PRRG1: variants seen among roughly 807,000 people sequenced by gnomAD.
PRRG1 encodes the protein proline rich and Gla domain 1, also known as transmembrane gamma-carboxyglutamic acid protein 1.
In PRRG1, 5 loss-of-function variants were observed where a neutral mutation model predicts 11.8. The ratio of observed to expected loss-of-function variants is 0.42; its 90% CI spans 0.22 to 0.89. The LOEUF (loss-of-function observed/expected upper bound fraction) is 0.89. Among genes scored for constraint, PRRG1 ranks in the 40% least tolerant of loss-of-function variants. The pLI is 0.28. For synonymous variants in PRRG1, 66 were observed against 60.4 expected, an observed-to-expected ratio of 1.09 and a Z score of -0.43; for missense variants, 155 against 166.1, an observed-to-expected ratio of 0.93 and a Z score of 0.37.
chrX:37,430,702 T>C (rs1436848849), intron 3 of PRRG1, among the ~76,000 whole-genome samples: 2 of 111,640 alleles, frequency 1.8e-5, no homozygotes, highest in African/African-American at 6.5e-5. Flanking sequence ...CATGCAGCCT[T>C]TACTCAGTTT....
chrX:37,418,555 T>C (rs1556385941), intron 2 of PRRG1, among the ~76,000 whole-genome samples: 1 of 112,167 alleles, frequency 8.9e-6, no homozygotes, highest in African/African-American at 3.2e-5. Context: ...TTAAACATGA[T>C]TTAAAAGATT....
intron 1 of PRRG1, among the ~76,000 whole-genome samples, chrX:37,361,587 A>G (rs1309927789): frequency 1.8e-5 from 2 of 111,801 alleles, no homozygotes; most frequent in African/African-American, 3.3e-5. Context: ...AGAACATGTT[A>G]TATTTTAATC....
At chrX:37,364,742 G>T (rs1433251854) in intron 1 of PRRG1, among the ~76,000 whole-genome samples, 1 of 111,736 alleles carries the variant, frequency 8.9e-6, no homozygotes, top group African/African-American at 3.3e-5. Flanking sequence ...AATCCTTCTT[G>T]TGCTGTAGTT....
At chrX:37,451,232 G>A (rs926657984) in intron 3 of PRRG1, among the ~76,000 whole-genome samples, 15 of 111,680 alleles carry the variant, frequency 1.3e-4, no homozygotes, top group African/African-American at 3.9e-4. Context: ...TGGTCAGGCC[G>A]GTCTCGAACT....
At chrX:37,391,793 G>C (rs1298333880) in intron 1 of PRRG1, among the ~76,000 whole-genome samples, 1 of 112,180 alleles carries the variant, frequency 8.9e-6, no homozygotes, top group Non-Finnish European at 1.9e-5. Flanking sequence ...TTTATTCACT[G>C]AGGTGTTTCT....
intron 2 of PRRG1, among the ~76,000 whole-genome samples, chrX:37,416,608 C>T (rs1245311689): frequency 1.8e-5 from 2 of 111,895 alleles, no homozygotes; most frequent in East Asian, 5.6e-4. Flanking sequence ...TTGGAGTTCT[C>T]CTGTTTTGGT....
At chrX:37,364,916 T>G (rs1475586150) in intron 1 of PRRG1, among the ~76,000 whole-genome samples, 2 of 112,419 alleles carry the variant, frequency 1.8e-5, no homozygotes, top group Non-Finnish European at 3.8e-5. Context: ...TCAGATGTTG[T>G]CTCTGTAAAA....
chrX:37,453,197 G>T lies in PRRG1; in HGVS notation c.233G>T (p.Trp78Leu), dbSNP rs2146642002. Reference sequence around the variant, plus strand: ...GGGGAGAGTAACCGAGGAAGTGACTGGTTTCAGTTTTACCTTACCTTTCCG... The same window carrying T: ...GGGGAGAGTAACCGAGGAAGTGACTTGTTTCAGTTTTACCTTACCTTTCCG... ...QQGESNRGSDWFQFYLTFPLI... is the reference protein window; with the variant it reads ...QQGESNRGSDLFQFYLTFPLI... Residue 78 changes from tryptophan to leucine, a missense_variant, in exon 4 of 4, where the codon TGG becomes TTG. Trp to Leu is a moderately conservative substitution (Grantham distance 61). Coordinates refer to ENST00000378628, the MANE Select transcript of PRRG1 (RefSeq NM_001142395.2). 1.7e-6 allele frequency: 2 copies of T among 1,209,147 alleles called. No individual in the cohort carries two copies. The highest frequency in any genetic ancestry group is 5.9e-5 in the East Asian group (2 of 33,856).
chrX:37,416,532 A>G (rs781927459), intron 2 of PRRG1, among the ~76,000 whole-genome samples: 2 of 112,014 alleles, frequency 1.8e-5, no homozygotes, highest in Non-Finnish European at 3.8e-5. Flanking sequence ...ACAACCGCAA[A>G]CATCAAGACT....
rs1434325098 is a variant in PRRG1, at chrX:37,399,374, C to G, written c.-41-6835C>G. On this transcript the variant is annotated intron_variant, in intron 1 of 3. Transcript: ENST00000378628. ...TTTCAACCCAGAATTTCATATCCAG[C>G]CAAACTAAGCTTCATAAGTGAAGGA... Among the ~76,000 whole-genome samples, 22 of 107,360 alleles carry G rather than the reference C, an allele frequency of 2.0e-4. No individual in the cohort carries two copies. The South Asian group carries it at 9.2e-3, about 45-fold the overall frequency. The allele number at this position is 107,360 out of a possible 115,157, so 93.2% of individuals were successfully genotyped here. A position where few individuals can be genotyped will look rare whatever the true frequency, so the allele number is the denominator to read the frequency against.
At chrX:37,370,313 T>C (rs781796734) in intron 1 of PRRG1, among the ~76,000 whole-genome samples, 1 of 112,295 alleles carries the variant, frequency 8.9e-6, no homozygotes, top group South Asian at 3.8e-4. Context: ...AGTTAAGATA[T>C]CTCTTTGACA....
At chrX:37,445,494 G>C (rs1556394951) in intron 3 of PRRG1, among the ~76,000 whole-genome samples, 2 of 112,049 alleles carry the variant, frequency 1.8e-5, no homozygotes, top group Non-Finnish European at 3.8e-5. Flanking sequence ...GCTGTACCTT[G>C]GGATAACCTG....
chrX:37,401,971 C>A (rs1932005030), intron 1 of PRRG1, among the ~76,000 whole-genome samples: 1 of 110,698 alleles, frequency 9.0e-6, no homozygotes, highest in Admixed American at 9.6e-5. Flanking sequence ...AACCACTGCT[C>A]AATGAAATTA....
At chrX:37,390,357 GA>G (rs1931482259) in intron 1 of PRRG1, among the ~76,000 whole-genome samples, 1 of 111,243 alleles carries the variant, frequency 9.0e-6, no homozygotes, top group South Asian at 3.8e-4. Flanking sequence ...CTGGTAGAAT[GA>G]AAAAATGAAC....
chrX:37,349,903 C>A (rs1379919698), intron 1 of PRRG1, among the ~76,000 whole-genome samples: 1 of 110,574 alleles, frequency 9.0e-6, no homozygotes, highest in Non-Finnish European at 1.9e-5. Context: ...CTTTCCTTTA[C>A]CCACCCCCGG....
chrX:37,358,629 G>A (rs1182174823), intron 1 of PRRG1, among the ~76,000 whole-genome samples: 1 of 111,262 alleles, frequency 9.0e-6, no homozygotes, highest in Non-Finnish European at 1.9e-5. Context: ...AGTAATTCTT[G>A]AAATTAGGTA....
rs1294845178 is a variant in PRRG1 at position 37,418,884 on chromosome X, A to G, written c.11-6956A>G. On this transcript the variant is annotated intron_variant, in intron 2 of 3. Transcript: ENST00000378628. ...TTTTGCTTTCTAGTTTTCATGTGCA[A>G]TGAGGCTTTGAAGTCTCAGGAGCCA... is the stretch of plus-strand genomic sequence containing the variant. 6.3e-5 allele frequency among the ~76,000 whole-genome samples: 7 copies of G among 111,744 alleles called. No individual in the cohort carries two copies. The South Asian group carries it at 1.1e-3, about 18-fold the overall frequency.
intron 3 of PRRG1, among the ~76,000 whole-genome samples, chrX:37,436,960 A>G (rs1932891204): frequency 8.9e-6 from 1 of 112,183 alleles, no homozygotes; most frequent in African/African-American, 3.2e-5. Context: ...CTTCCTCGCT[A>G]CTTCTTTTGG....
At chrX:37,406,128 A>T in intron 1 of PRRG1, 81 bp from the exon 2 acceptor site, 1 of 847,600 alleles carries the variant, frequency 1.2e-6, no homozygotes, top group Non-Finnish European at 1.7e-6. Flanking sequence ...CATTGACCAC[A>T]TCAGCTGTAC....
Sources: gnomAD v4.1 joint callset for allele counts (sites outside exome capture counted in the v4.1 genomes callset) on GRCh38, gnomAD v4.1.1 for gene constraint, MANE v1.5 for transcripts, NCBI Gene and HGNC (gene_info 2026-07-23, HGNC 2026-07-21) for gene names.